SCFD1: variants seen among roughly 807,000 people sequenced by gnomAD.
The protein encoded by SCFD1 is sec1 family domain-containing protein 1.
Under a neutral mutation model 103.2 loss-of-function variants are expected in SCFD1, and 37 were observed. The observed-to-expected ratio is 0.36, with a 90% CI of 0.28 to 0.47. The LOEUF is 0.47. SCFD1 is among the 20% of genes least tolerant of loss of function. SCFD1 has a pLI of 1.00. For missense variants in SCFD1, 639 were observed against 761.2 expected (o/e 0.84, Z 1.89); for synonymous variants, 264 against 245.0 (o/e 1.08, Z -0.73).
intron 16 of SCFD1, among the ~76,000 whole-genome samples, chr14:30,701,677 A>T (rs1221180628): frequency 6.6e-6 from 1 of 152,196 alleles, no homozygotes; most frequent in Non-Finnish European, 1.5e-5. Flanking sequence ...GTGTTCCCTT[A>T]ATTTAACCAC....
intron 23 of SCFD1, among the ~76,000 whole-genome samples, chr14:30,731,061 C>G (rs1024923666): frequency 3.9e-5 from 6 of 152,178 alleles, no homozygotes; most frequent in Non-Finnish European, 5.9e-5. Context: ...TTTCAGCTTT[C>G]TACATATGGC....
chr14:30,626,509 T>C (rs1054137914), intron 1 of SCFD1, among the ~76,000 whole-genome samples: 1 of 152,164 alleles, frequency 6.6e-6, no homozygotes, highest in East Asian at 1.9e-4. Flanking sequence ...CCCCGAGTTT[T>C]GGGTTGAATG....
rs1437581472 is a variant in SCFD1, at chr14:30,632,052, A to G, written c.221+1487A>G. ...AGCAGAGCAAGATTCTGTTGAAAAA[A>G]AAAAAAAAAAAAAAAAAAAGAACGT... On this transcript the variant is annotated intron_variant, in intron 3 of 24. Coordinates refer to ENST00000458591, the MANE Select transcript of SCFD1 (RefSeq NM_016106.4). 6.0e-4 allele frequency among the ~76,000 whole-genome samples: 88 copies of G among 146,992 alleles called. 3 individuals are homozygous for G. In the South Asian group the frequency reaches 0.018, roughly 31 times the overall value.
At chr14:30,677,545 AT>A (rs1349028320) in intron 14 of SCFD1, among the ~76,000 whole-genome samples, 1 of 152,136 alleles carries the variant, frequency 6.6e-6, no homozygotes, top group East Asian at 1.9e-4. Context: ...TATTTTAAAT[AT>A]TTTAAGTTCT....
chr14:30,697,183 C>T (rs953948148), intron 15 of SCFD1, among the ~76,000 whole-genome samples: 3 of 152,054 alleles, frequency 2.0e-5, no homozygotes, highest in Non-Finnish European at 2.9e-5. Context: ...CACTAGGACT[C>T]CTTGGAGAGG....
At chr14:30,678,366 A>G (rs1889212282) in intron 14 of SCFD1, among the ~76,000 whole-genome samples, 1 of 152,174 alleles carries the variant, frequency 6.6e-6, no homozygotes, top group Non-Finnish European at 1.5e-5. Flanking sequence ...GTTTGTCATA[A>G]CTTTAAGAAA....
At chr14:30,703,964 AATAAT>A (rs1891291653) in intron 17 of SCFD1, among the ~76,000 whole-genome samples, 6 of 35,126 alleles carry the variant, frequency 1.7e-4, no homozygotes, top group East Asian at 1.3e-3. Context: ...TATATATATA[AATAAT>A]GAGATATCTT....
At chr14:30,696,658 G>A (rs183277492) in intron 15 of SCFD1, among the ~76,000 whole-genome samples, 28 of 152,320 alleles carry the variant, frequency 1.8e-4, no homozygotes, top group African/African-American at 5.5e-4. Flanking sequence ...GTCCACATGT[G>A]GGAGTAGTCT....
At position 30,696,386 on chromosome 14, in the gene SCFD1, G is replaced by C. The variant is rs139234487; in HGVS notation, c.1339+1517G>C. Among the ~76,000 whole-genome samples the C allele has an allele frequency of 1.3e-5, 2 of 152,246 alleles. 1 individual carries two copies. The highest frequency in any genetic ancestry group is 4.8e-5 in the African/African-American group (2 of 41,540). ...CCTTGTTATTTACAGTAACTTTCGA[G>C]TAAAGTTGAAACAAAAAAAACATGT... is the stretch of plus-strand genomic sequence containing the variant. On this transcript the variant is annotated intron_variant, in intron 15 of 24. Coordinates refer to ENST00000458591, the MANE Select transcript of SCFD1 (RefSeq NM_016106.4).
chr14:30,638,669 C>A (rs1884977127), intron 5 of SCFD1, among the ~76,000 whole-genome samples: 2 of 152,092 alleles, frequency 1.3e-5, no homozygotes, highest in South Asian at 4.1e-4. Context: ...CCAAAGTGCC[C>A]GTGTTGCATA....
intron 1 of SCFD1, among the ~76,000 whole-genome samples, chr14:30,625,582 T>C (rs897174970): frequency 1.4e-5 from 2 of 145,842 alleles, no homozygotes; most frequent in Non-Finnish European, 3.0e-5. Context: ...GTGTACTCCA[T>C]TAACAAATCC....
At chr14:30,634,221 AT>A (rs1884473537) in intron 4 of SCFD1, among the ~76,000 whole-genome samples, 184 bp downstream of exon 4, 2 of 152,152 alleles carry the variant, frequency 1.3e-5, no homozygotes, top group Non-Finnish European at 2.9e-5. Flanking sequence ...CTGAAGAAGT[AT>A]TATACAGTAG....
intron 14 of SCFD1, among the ~76,000 whole-genome samples, chr14:30,684,803 C>CTTTTTTTTTTTTTTT (rs780577178): frequency 1.8e-5 from 1 of 54,882 alleles, no homozygotes; most frequent in South Asian, 6.4e-4. Flanking sequence ...GCAATTGTTT[C>CTTTTTTTTTTTTTTT]TTTTTTTTTT....
At chr14:30,698,371 T>TAAA (rs1890840579) in intron 15 of SCFD1, among the ~76,000 whole-genome samples, 1 of 152,228 alleles carries the variant, frequency 6.6e-6, no homozygotes, top group Non-Finnish European at 1.5e-5. Flanking sequence ...AGCATCAGAT[T>TAAA]GGTCTTTAAA....
intron 11 of SCFD1, among the ~76,000 whole-genome samples, chr14:30,670,704 T>C (rs1477888366): frequency 6.6e-6 from 1 of 152,118 alleles, no homozygotes; most frequent in Non-Finnish European, 1.5e-5. Context: ...CTGCCTTTCA[T>C]TTAAATTGGC....
Position 30,735,576 on chromosome 14 carries a change from T to TG in SCFD1, c.1906-10_1906-9insG. 6.3e-7 allele frequency: 1 copy of TG among 1,576,096 alleles called. No individual in the cohort carries two copies. The highest frequency in any genetic ancestry group is 8.7e-7 in the Non-Finnish European group (1 of 1,149,888). ...AAAAGTTTTATGTATGATTTTGTGT[T>TG]TTGTTTTAGTTGTCACAACTTGGAC... is the stretch of plus-strand genomic sequence containing the variant. On this transcript the variant is annotated splice_polypyrimidine_tract_variant and intron_variant, in intron 24 of 24. Transcript: ENST00000458591.
chr14:30,649,219 C>T lies in SCFD1; in HGVS notation c.614-309C>T, dbSNP rs1168502745. On this transcript the variant is annotated intron_variant, in intron 7 of 24. Transcript: ENST00000458591. ...GAAATTATAAATCCTTTTATGTGTG[C>T]TTGTCGGGGGAGGGTTGAAAAATTA... Among the ~76,000 whole-genome samples, 5 of 152,020 alleles carry T rather than the reference C, an allele frequency of 3.3e-5. No individual in the cohort carries two copies. In the South Asian group the frequency reaches 8.3e-4, roughly 25 times the overall value.
chr14:30,723,809 T>C (rs1892821848), intron 23 of SCFD1, among the ~76,000 whole-genome samples: 2 of 152,212 alleles, frequency 1.3e-5, no homozygotes, highest in Admixed American at 6.5e-5. Flanking sequence ...CAGTGGACAT[T>C]TAGGTTGATT....
intron 3 of SCFD1, among the ~76,000 whole-genome samples, chr14:30,633,396 C>G (rs1430194519): frequency 6.6e-6 from 1 of 152,024 alleles, no homozygotes; most frequent in Non-Finnish European, 1.5e-5. Context: ...TCTTATGAAA[C>G]AATAAATAGA....
Sources: allele counts gnomAD v4.1 joint callset (sites outside exome capture counted in the v4.1 genomes callset), GRCh38; gene constraint gnomAD v4.1.1; transcripts MANE v1.5; gene names NCBI Gene and HGNC (gene_info 2026-07-23, HGNC 2026-07-21).